The following LIMS1 variants were observed in gnomAD, a reference collection of about 807,000 sequenced individuals.
LIMS1 encodes the protein LIM zinc finger domain containing 1.
Under a neutral mutation model 44.1 loss-of-function variants are expected in LIMS1, and 18 were observed. That is an observed-to-expected ratio of 0.41 (90% CI 0.28 to 0.61). LIMS1 has a LOEUF of 0.61. Among genes scored for constraint, LIMS1 ranks in the 20% least tolerant of loss-of-function variants. The pLI is 0.32. For missense variants in LIMS1, 201 were observed against 422.0 expected, an observed-to-expected ratio of 0.48 and a Z score of 4.59; for synonymous variants, 93 against 149.1, an observed-to-expected ratio of 0.62 and a Z score of 2.74.
rs753691810 is a variant in LIMS1, at chr2:108,569,764, C to CCTTTTTTTTTTTTTTTTTTTT, written c.32+35170_32+35171insCTTTTTTTTTTTTTTTTTTTT. 7.1e-5 allele frequency among the ~76,000 whole-genome samples: 8 copies of CCTTTTTTTTTTTTTTTTTTTT among 113,126 alleles called. 3 individuals carry two copies. The highest frequency in any genetic ancestry group is 1.7e-4 in the African/African-American group (5 of 29,154). 74.2% of individuals were successfully genotyped at this position (113,126 alleles called of 152,430 possible). ...TACAAACACTCACCGCCATATCTGG[C>CCTTTTTTTTTTTTTTTTTTTT]TTTTTTTTTTTTTTTTTTTAGTGAT... On this transcript the variant is annotated intron_variant, in intron 1 of 9. Coordinates refer to ENST00000544547, the Ensembl canonical transcript of LIMS1.
intron 2 of LIMS1, chr2:108,662,487 T>G (rs548731118): frequency 7.4e-7 from 1 of 1,357,482 alleles, no homozygotes; most frequent in Non-Finnish European, 9.9e-7. Context: ...ACTAGGCTAT[T>G]CATGGGCTGT....
intron 1 of LIMS1, among the ~76,000 whole-genome samples, chr2:108,623,695 C>CATTT: frequency 6.6e-6 from 1 of 152,204 alleles, no homozygotes; most frequent in Non-Finnish European, 1.5e-5. Flanking sequence ...TTTTGAATAC[C>CATTT]TGTGCTATCA....
chr2:108,656,880 C>A (rs1690900339), intron 1 of LIMS1, among the ~76,000 whole-genome samples: 1 of 73,124 alleles, frequency 1.4e-5, no homozygotes, highest in Non-Finnish European at 2.8e-5. Flanking sequence ...ATTAAGGTTC[C>A]CAAAGGACTT....
intron 2 of LIMS1, chr2:108,662,502 C>A: frequency 3.4e-5 from 45 of 1,340,024 alleles, no homozygotes; most frequent in Non-Finnish European, 4.5e-5. Flanking sequence ...GGCTGTTGCC[C>A]AGTTCAAGAT....
chr2:108,612,774 G>C lies in LIMS1; in HGVS notation c.33-46831G>C, dbSNP rs552705357. On this transcript the variant is annotated intron_variant, in intron 1 of 9. Coordinates refer to ENST00000544547, the Ensembl canonical transcript of LIMS1. The stretch of plus-strand genomic sequence containing the variant: ...GTCTGGGTCATTTGGAGAGAGAGAA[G>C]GTGTGGGCTGGCTGAGGTGTCTGGG... Among the ~76,000 whole-genome samples the C allele has an allele frequency of 3.9e-5, 6 of 152,202 alleles. No homozygotes were observed. The South Asian group carries it at 1.3e-3, about 32-fold the overall frequency.
At chr2:108,674,741 GA>G in intron 5 of LIMS1, among the ~76,000 whole-genome samples, 1 of 138,994 alleles carries the variant, frequency 7.2e-6, no homozygotes, top group South Asian at 2.4e-4. Flanking sequence ...AAAAAAAAGA[GA>G]AAGAAAGAAA....
chr2:108,642,362 T>G (rs1211624919), intron 1 of LIMS1, among the ~76,000 whole-genome samples: 5 of 20,794 alleles, frequency 2.4e-4, no homozygotes, highest in African/African-American at 3.4e-4. Flanking sequence ...TTTTTTGTTT[T>G]TTGTTTTTTT....
chr2:108,641,134 A>C (rs1053606503), intron 1 of LIMS1, among the ~76,000 whole-genome samples: 38 of 152,262 alleles, frequency 2.5e-4, no homozygotes, highest in Non-Finnish European at 4.3e-4. Flanking sequence ...TTGTGGCTGG[A>C]TGATATTCCA....
At chr2:108,566,368 T>G (rs1197210672) in intron 1 of LIMS1, among the ~76,000 whole-genome samples, 1 of 152,248 alleles carries the variant, frequency 6.6e-6, no homozygotes, top group Non-Finnish European at 1.5e-5. Flanking sequence ...GTGTCTTCTA[T>G]GTCAGCAGTT....
At chr2:108,664,107 G>A (rs1303012126) in intron 2 of LIMS1, among the ~76,000 whole-genome samples, 3 of 152,070 alleles carry the variant, frequency 2.0e-5, no homozygotes. Context: ...TTACAAAGAG[G>A]TTTCTTCACT....
At chr2:108,557,368 C>T (rs192641780) in intron 1 of LIMS1, among the ~76,000 whole-genome samples, 23 of 151,992 alleles carry the variant, frequency 1.5e-4, no homozygotes, top group Middle Eastern at 3.4e-3. Context: ...TGAGCCAACA[C>T]GCCCAGCCTT....
At chr2:108,534,899 A>G (rs1329100471) in intron 1 of LIMS1, among the ~76,000 whole-genome samples, 1 of 152,202 alleles carries the variant, frequency 6.6e-6, no homozygotes, top group Admixed American at 6.5e-5. Context: ...ATCTTCTAGC[A>G]GTAGGGATCA....
At chr2:108,596,851 C>T (rs1330761739) in intron 1 of LIMS1, among the ~76,000 whole-genome samples, 1 of 147,882 alleles carries the variant, frequency 6.8e-6, no homozygotes, top group Admixed American at 6.7e-5. Flanking sequence ...AGGAGGGGGG[C>T]ATGTTGAGGA....
chr2:108,562,405 T>C (rs1685154393), intron 1 of LIMS1, among the ~76,000 whole-genome samples: 2 of 152,176 alleles, frequency 1.3e-5, no homozygotes, highest in Admixed American at 1.3e-4. Context: ...AAGTTGGGAA[T>C]ACAAAGGAAA....
intron 1 of LIMS1, among the ~76,000 whole-genome samples, chr2:108,596,560 A>AC (rs1262254991): frequency 6.6e-6 from 1 of 152,294 alleles, no homozygotes; most frequent in Non-Finnish European, 1.5e-5. Context: ...GGCATGGCAC[A>AC]CGCCTGTAAT....
At chr2:108,681,742 T>A in intron 9 of LIMS1, 2 of 229,060 alleles carry the variant, frequency 8.7e-6, no homozygotes, top group Non-Finnish European at 1.4e-5. Flanking sequence ...ACTACATGCC[T>A]AGACCCCATC....
chr2:108,635,629 G>C lies in LIMS1; in HGVS notation c.33-23976G>C, dbSNP rs151165008. On this transcript the variant is annotated intron_variant, in intron 1 of 9. Coordinates refer to ENST00000544547, the Ensembl canonical transcript of LIMS1. ...GGCAGAGAATTGCTTGAACCCAGGAGGGGGAGGTTTCGGTGAACTGAGACC... is the reference window on the plus strand; with the variant it reads ...GGCAGAGAATTGCTTGAACCCAGGACGGGGAGGTTTCGGTGAACTGAGACC... 1.3e-4 allele frequency among the ~76,000 whole-genome samples: 17 copies of C among 132,318 alleles called. 1 individual carries two copies. In the East Asian group the frequency reaches 2.1e-3, roughly 17 times the overall value. The allele number at this position is 132,318 out of a possible 152,430, so 86.8% of individuals were successfully genotyped here.
chr2:108,592,810 A>G (rs921395982), intron 1 of LIMS1, among the ~76,000 whole-genome samples: 42 of 152,238 alleles, frequency 2.8e-4, no homozygotes, highest in Non-Finnish European at 5.6e-4. Flanking sequence ...TGGCAATAGT[A>G]TTTAATCTGT....
rs531946258 is a variant in LIMS1 at position 108,676,979 on chromosome 2, T to C, written c.774+281T>C. 4.6e-5 allele frequency: 17 copies of C among 371,722 alleles called. No homozygotes were observed. The East Asian group carries it at 8.4e-4, about 18-fold the overall frequency. 23.0% of individuals were successfully genotyped at this position (371,722 alleles called of 1,614,324 possible). A position where few individuals can be genotyped will look rare whatever the true frequency, so the allele number is the denominator to read the frequency against. Reference sequence around the variant, plus strand: ...ACGTAAATATTATATACAAGTACGATGGCTGTTTTGCCAATAAGTTCATCA... The same window carrying C: ...ACGTAAATATTATATACAAGTACGACGGCTGTTTTGCCAATAAGTTCATCA... On this transcript the variant is annotated intron_variant, in intron 7 of 9. Coordinates refer to ENST00000544547, the Ensembl canonical transcript of LIMS1.
Sources: allele counts gnomAD v4.1 joint callset (sites outside exome capture counted in the v4.1 genomes callset), GRCh38; gene constraint gnomAD v4.1.1; transcripts MANE v1.5; gene names NCBI Gene and HGNC (gene_info 2026-07-23, HGNC 2026-07-21).